Variants in SBF2 observed in about 807,000 individuals in gnomAD.
The protein encoded by SBF2 is myotubularin-related protein 13.
Under a neutral mutation model 225.2 loss-of-function variants are expected in SBF2, and 112 were observed. The ratio of observed to expected loss-of-function variants is 0.50; its 90% CI spans 0.43 to 0.58. The LOEUF (loss-of-function observed/expected upper bound fraction) is 0.58. SBF2 is among the 20% of genes least tolerant of loss of function. SBF2 has a pLI of 0.00. For synonymous variants in SBF2, 763 were observed against 773.3 expected, an observed-to-expected ratio of 0.99 and a Z score of 0.22; for missense variants, 1,996 against 2,206.2, an observed-to-expected ratio of 0.90 and a Z score of 1.91.
chr11:9,966,923 C>T (rs1866950768), intron 14 of SBF2, among the ~76,000 whole-genome samples: 1 of 151,994 alleles, frequency 6.6e-6, no homozygotes, highest in African/African-American at 2.4e-5. Context: ...TCCAAGAGAA[C>T]TGAAAACATA....
intron 27 of SBF2, among the ~76,000 whole-genome samples, chr11:9,831,483 C>T (rs1855396793): frequency 6.6e-6 from 1 of 152,204 alleles, no homozygotes; most frequent in African/African-American, 2.4e-5. Flanking sequence ...CATGGTTGTA[C>T]CTGGTGAATC....
intron 16 of SBF2, among the ~76,000 whole-genome samples, chr11:9,918,832 GA>G (rs1346170606): frequency 3.3e-5 from 5 of 151,412 alleles, no homozygotes; most frequent in Non-Finnish European, 5.9e-5. Flanking sequence ...TCTGCCTCCT[GA>G]GTTCACGCCA....
At chr11:9,977,626 G>A (rs1302548505) in intron 13 of SBF2, among the ~76,000 whole-genome samples, 1 of 152,222 alleles carries the variant, frequency 6.6e-6, no homozygotes, top group Non-Finnish European at 1.5e-5. Context: ...GAAAGAAGCT[G>A]CATAGAGGTG....
At chr11:9,818,782 C>T (rs138987525) in intron 28 of SBF2, among the ~76,000 whole-genome samples, 6,489 of 152,246 alleles carry the variant, frequency 0.043, 198 homozygotes, top group Non-Finnish European at 0.067. Flanking sequence ...AGTGCAATGG[C>T]GTGATCTCGG....
At chr11:9,888,979 C>A (rs1860571274) in intron 17 of SBF2, among the ~76,000 whole-genome samples, 1 of 152,144 alleles carries the variant, frequency 6.6e-6, no homozygotes, top group Non-Finnish European at 1.5e-5. Flanking sequence ...CTTTATTATT[C>A]CTATCACCTG....
At chr11:10,245,408 C>T (rs1464959010) in intron 1 of SBF2, among the ~76,000 whole-genome samples, 1 of 151,698 alleles carries the variant, frequency 6.6e-6, no homozygotes, top group Admixed American at 6.6e-5. Context: ...GGCAACACAG[C>T]GGGACCCTAT....
chr11:9,829,555 T>C, intron 27 of SBF2, 59 bp from the exon 28 acceptor site: 2 of 1,210,596 alleles, frequency 1.7e-6, no homozygotes, highest in Non-Finnish European at 2.4e-6. Context: ...AAAACAAGTA[T>C]CTATCTATCT....
intron 16 of SBF2, among the ~76,000 whole-genome samples, chr11:9,945,614 C>G (rs1865517241): frequency 6.6e-6 from 1 of 152,068 alleles, no homozygotes; most frequent in South Asian, 2.1e-4. Flanking sequence ...AAATAAACAG[C>G]TTTGGCACAG....
chr11:10,050,263 T>C (rs7107021), intron 2 of SBF2, among the ~76,000 whole-genome samples: 56,783 of 152,016 alleles, frequency 0.37, 11,869 homozygotes, highest in Non-Finnish European at 0.47. Context: ...ACTTCTCAAA[T>C]TGAAGTTACC....
At chr11:10,089,743 G>A (rs73412810) in intron 2 of SBF2, among the ~76,000 whole-genome samples, 2,153 of 151,922 alleles carry the variant, frequency 0.014, 36 homozygotes, top group African/African-American at 0.036. Context: ...CCACAAGCCT[G>A]GTCCACAAGC....
chr11:10,210,208 T>G (rs374672634), intron 1 of SBF2, among the ~76,000 whole-genome samples: 2 of 151,962 alleles, frequency 1.3e-5, no homozygotes, highest in African/African-American at 2.4e-5. Flanking sequence ...CACAGGAGGC[T>G]GAGGTGGCAG....
intron 16 of SBF2, 144 bp downstream of exon 16, chr11:9,961,813 T>C: frequency 1.6e-6 from 1 of 621,852 alleles, no homozygotes; most frequent in South Asian, 2.7e-5. Context: ...AAAAAGTATT[T>C]GACAGAAATG....
intron 17 of SBF2, among the ~76,000 whole-genome samples, chr11:9,879,887 T>C (rs1859596233): frequency 6.6e-6 from 1 of 151,910 alleles, no homozygotes; most frequent in South Asian, 2.1e-4. Context: ...AGTTCAAGAC[T>C]GCCCTGGCCA....
chr11:9,806,296 T>C (rs907269218), intron 32 of SBF2, among the ~76,000 whole-genome samples: 4 of 152,024 alleles, frequency 2.6e-5, no homozygotes, highest in South Asian at 2.1e-4. Context: ...GCCTGGCACA[T>C]AGTAAGCAGT....
chr11:9,888,981 T>C (rs1037178376), intron 17 of SBF2, among the ~76,000 whole-genome samples: 2 of 152,232 alleles, frequency 1.3e-5, no homozygotes, highest in African/African-American at 4.8e-5. Context: ...TTATTATTCC[T>C]ATCACCTGCC....
rs951840470 is a variant in SBF2, at chr11:9,866,110, T to C, written c.1930-7714A>G. 6.6e-5 allele frequency among the ~76,000 whole-genome samples: 10 copies of C among 152,336 alleles called. No homozygotes were observed. In the South Asian group the frequency reaches 1.0e-3, roughly 16 times the overall value. On this transcript the variant is annotated intron_variant, in intron 17 of 39. Coordinates refer to ENST00000256190, the MANE Select transcript of SBF2 (RefSeq NM_030962.4). ...TATACCAATAAGCATTTTGGGGTTA[T>C]TGCATATTGGTTATTTTTCTAATAA...
intron 2 of SBF2, among the ~76,000 whole-genome samples, chr11:10,074,842 T>C (rs907394714): frequency 2.6e-5 from 4 of 152,220 alleles, no homozygotes; most frequent in Non-Finnish European, 5.9e-5. Context: ...TACACATATA[T>C]TAAATACAAT....
intron 2 of SBF2, among the ~76,000 whole-genome samples, chr11:10,186,039 T>A (rs896600499): frequency 1.3e-5 from 2 of 152,202 alleles, no homozygotes; most frequent in African/African-American, 2.4e-5. Flanking sequence ...AAATTAGGCA[T>A]GAACGAGCTG....
intron 2 of SBF2, 48 bp from the exon 3 acceptor site, chr11:10,043,029 T>G: frequency 6.4e-7 from 1 of 1,554,822 alleles, no homozygotes; most frequent in Non-Finnish European, 8.8e-7. Flanking sequence ...CAATAAAAGT[T>G]AATTATTAAT....
Sources: gnomAD v4.1 joint callset for allele counts (sites outside exome capture counted in the v4.1 genomes callset) on GRCh38, gnomAD v4.1.1 for gene constraint, MANE v1.5 for transcripts, NCBI Gene and HGNC (gene_info 2026-07-23, HGNC 2026-07-21) for gene names.